HCN2: variants seen among roughly 807,000 people sequenced by gnomAD.
HCN2 encodes potassium/sodium hyperpolarization-activated cyclic nucleotide-gated channel 2.
A neutral mutation model predicts 52.3 loss-of-function variants in HCN2; 20 were observed. That is an observed-to-expected ratio of 0.38 (90% confidence interval 0.27 to 0.56). The LOEUF is 0.56. Among genes scored for constraint, HCN2 ranks in the 20% least tolerant of loss-of-function variants. HCN2 has a pLI of 0.71. For synonymous variants in HCN2, 694 were observed against 537.0 expected, an observed-to-expected ratio of 1.29 and a Z score of -4.04; for missense variants, 981 against 1,207.7, an observed-to-expected ratio of 0.81 and a Z score of 2.78.
chr19:593,061 A>G (rs1982918340), intron 1 of HCN2, among the ~76,000 whole-genome samples: 1 of 152,086 alleles, frequency 6.6e-6, no homozygotes, highest in Middle Eastern at 3.2e-3. Flanking sequence ...TCCTGCTGAG[A>G]GAGTGCTGTG....
At chr19:600,402 G>A (rs747879415) in intron 1 of HCN2, among the ~76,000 whole-genome samples, 6 of 151,838 alleles carry the variant, frequency 4.0e-5, no homozygotes, top group East Asian at 1.9e-4. Context: ...GTGCCATGGC[G>A]TGATCTCAGC....
Position 613,409 on chromosome 19 carries a change from C to T in HCN2, c.1746C>T (p.Tyr582=). 6.2e-7 allele frequency: 1 copy of T among 1,612,442 alleles called. No individual in the cohort carries two copies. The highest frequency in any genetic ancestry group is 8.5e-7 in the Non-Finnish European group (1 of 1,179,772). The change falls in exon 6 of 8, where the codon TAC becomes TAT. Residue 582 remains tyrosine (Y), a synonymous_variant. Coordinates refer to ENST00000251287, the MANE Select transcript of HCN2 (RefSeq NM_001194.4). ...IREGTIGKKM[Y]FIQHGVVSVL... is the part of the protein sequence containing the mutation. ...AAGGCACCATCGGGAAGAAGATGTA[C>T]TTCATCCAGCACGGCGTGGTCAGCG... is the stretch of plus-strand genomic sequence containing the variant.
Position 613,167 on chromosome 19 carries a change from G to A in HCN2, c.1585-81G>A, listed in dbSNP as rs909577015. 4.7e-6 allele frequency: 7 copies of A among 1,498,932 alleles called. No individual in the cohort carries two copies. In the African/African-American group the frequency reaches 8.3e-5, roughly 18 times the overall value. 92.9% of individuals were successfully genotyped at this position (1,498,932 alleles called of 1,614,324 possible). On this transcript the variant is annotated intron_variant, in intron 5 of 7. Transcript: ENST00000251287. ...CAGACGAGGAAACTGGGGTCCGAGA[G>A]GTGAGCCGGTCCCAGAGGCAGGGCG...
At chr19:608,842 A>G (rs1983512130) in intron 4 of HCN2, among the ~76,000 whole-genome samples, 1 of 152,144 alleles carries the variant, frequency 6.6e-6, no homozygotes, top group Non-Finnish European at 1.5e-5. Flanking sequence ...AGGGAGAGCA[A>G]GGCTGCCCCA....
chr19:599,247 G>T (rs1430609529), intron 1 of HCN2, among the ~76,000 whole-genome samples: 2 of 152,244 alleles, frequency 1.3e-5, no homozygotes, highest in Admixed American at 6.5e-5. Context: ...GAGCGTCTGG[G>T]TCACCCCGCA....
chr19:613,757 G>A (rs867841054), intron 6 of HCN2, 95 bp from the exon 7 acceptor site: 1 of 1,303,734 alleles, frequency 7.7e-7, no homozygotes, highest in Non-Finnish European at 9.8e-7. Flanking sequence ...AAGCGCCCAC[G>A]CTGGCCAAGG....
intron 4 of HCN2, among the ~76,000 whole-genome samples, chr19:608,563 C>T (rs12973917): frequency 0.26 from 38,558 of 150,752 alleles, 5,247 homozygotes; most frequent in East Asian, 0.41. Context: ...GGAGGGAGGT[C>T]CAGAGCCTGG....
rs117060362 is a variant in HCN2, at chr19:595,226, C to G, written c.632+4649C>G. ...CAAAAAAATAAAAAAAACCTAAAAACCCACATATTCAAGTCACCTTCATCA... is the reference window on the plus strand; with the variant it reads ...CAAAAAAATAAAAAAAACCTAAAAAGCCACATATTCAAGTCACCTTCATCA... On this transcript the variant is annotated intron_variant, in intron 1 of 7. Coordinates refer to ENST00000251287, the MANE Select transcript of HCN2 (RefSeq NM_001194.4). 2.3e-3 allele frequency among the ~76,000 whole-genome samples: 357 copies of G among 152,040 alleles called. 5 individuals are homozygous for G. The highest frequency in any genetic ancestry group is 0.019 in the Admixed American group (285 of 15,274).
Position 590,575 on chromosome 19 carries a change from C to A in HCN2, c.630C>A (p.Phe210Leu), listed in dbSNP as rs1351184130. Residue 210 changes from phenylalanine (F) to leucine (L), a missense_variant and splice_region_variant, in exon 1 of 8, where the codon TTC (phenylalanine) becomes TTA (leucine). By Grantham distance (22) the Phe-to-Leu change is conservative. Around this residue, in one of 6 missense-constraint regions of HCN2, gnomAD observed 282 missense variants for 553.8 expected, o/e 0.51. Coordinates refer to ENST00000251287, the MANE Select transcript of HCN2 (RefSeq NM_001194.4). The surrounding 1 kb of genome is among the most constrained non-coding windows in gnomAD (Gnocchi z 7.2). ...GGATCATCCACCCGTACAGCGACTT[C>A]AGGTACCGCCTCCGGGAGGGCCGGT... ...GAWIIHPYSD[F>L]RFYWDFTMLL... 3 of 1,424,028 alleles carry A rather than the reference C, an allele frequency of 2.1e-6. No homozygotes were observed. Among genetic ancestry groups the A allele is most frequent in the Non-Finnish European group, 2.8e-6 (3 of 1,072,252 alleles). 88.2% of individuals were successfully genotyped at this position (1,424,028 alleles called of 1,614,324 possible).
chr19:610,346 C>T lies in HCN2; in HGVS notation c.1525C>T (p.Gln509Ter). The stretch of plus-strand genomic sequence containing the variant: ...CCACGACTACTATGAGCACCGTTAC[C>T]AGGGCAAGATGTTTGACGAGGACAG... ...KIHDYYEHRYQGKMFDEDSIL... is the reference protein window; with the variant it reads ...KIHDYYEHRY The change falls in exon 5 of 8, where the codon CAG (glutamine) becomes TAG (stop). Residue 509 changes from glutamine (Q) to a stop codon, truncating the protein, a stop_gained. Transcript: ENST00000251287. LOFTEE classifies it high-confidence loss of function. 6.2e-7 allele frequency: 1 copy of T among 1,613,818 alleles called. No individual in the cohort carries two copies. Among genetic ancestry groups the T allele is most frequent in the Non-Finnish European group, 8.5e-7 (1 of 1,179,802 alleles).
intron 3 of HCN2, among the ~76,000 whole-genome samples, chr19:607,040 C>T (rs916653842): frequency 1.3e-5 from 2 of 151,522 alleles, no homozygotes; most frequent in South Asian, 2.1e-4. Flanking sequence ...GGCGTGGTGG[C>T]GCATGCCTGT....
chr19:595,981 C>A (rs1983018834), intron 1 of HCN2, among the ~76,000 whole-genome samples: 1 of 152,204 alleles, frequency 6.6e-6, no homozygotes. Flanking sequence ...GGGACTCAGG[C>A]TCCAGCAGGG....
chr19:616,953 G>A lies in HCN2; in HGVS notation c.*479G>A, dbSNP rs1463421259. ...CCCCCGTCCGCGCGCGTCCCCCGGTGACCTCGGGGAGCAGCACCCCGCCTC... is the reference window on the plus strand; with the variant it reads ...CCCCCGTCCGCGCGCGTCCCCCGGTAACCTCGGGGAGCAGCACCCCGCCTC... On this transcript the variant is annotated 3_prime_UTR_variant, in exon 8 of 8. Coordinates refer to ENST00000251287, the MANE Select transcript of HCN2 (RefSeq NM_001194.4). The A allele has an allele frequency of 4.7e-6, 2 of 421,800 alleles. No individual in the cohort carries two copies. Among genetic ancestry groups the A allele is most frequent in the Non-Finnish European group, 8.7e-6 (2 of 228,886 alleles). 26.1% of individuals were successfully genotyped at this position (421,800 alleles called of 1,614,324 possible).
At chr19:613,730 G>A (rs1983771020) in intron 6 of HCN2, 122 bp from the exon 7 acceptor site, 1 of 1,136,260 alleles carries the variant, frequency 8.8e-7, no homozygotes, top group Non-Finnish European at 1.1e-6. Context: ...GCCGGCACCA[G>A]GGAGAGCCTG....
chr19:606,990 T>C (rs1383028004), intron 3 of HCN2, among the ~76,000 whole-genome samples: 1 of 151,646 alleles, frequency 6.6e-6, no homozygotes, highest in Non-Finnish European at 1.5e-5. Flanking sequence ...CTGACCAACA[T>C]GGAGAAACCC....
intron 2 of HCN2, 148 bp from the exon 3 acceptor site, chr19:604,913 C>G (rs1248786806): frequency 3.8e-5 from 29 of 755,692 alleles, no homozygotes; most frequent in Non-Finnish European, 4.8e-5. Context: ...CGGGGCAGGG[C>G]TGCAGGGTGG....
intron 1 of HCN2, among the ~76,000 whole-genome samples, chr19:593,137 C>G (rs936301501): frequency 6.6e-6 from 1 of 152,256 alleles, no homozygotes; most frequent in African/African-American, 2.4e-5. Context: ...GCCCAGCTGT[C>G]TCCGCCACGC....
Position 601,318 on chromosome 19 carries a change from A to C in HCN2, c.633-2226A>C, listed in dbSNP as rs140355516. 1.3e-3 allele frequency among the ~76,000 whole-genome samples: 200 copies of C among 152,282 alleles called. 2 individuals are homozygous for C. In the Middle Eastern group the frequency reaches 0.02, roughly 16 times the overall value. On this transcript the variant is annotated intron_variant, in intron 1 of 7. Coordinates refer to ENST00000251287, the MANE Select transcript of HCN2 (RefSeq NM_001194.4). Reference sequence around the variant, plus strand: ...ACAGGGTGAGACTCCGTCTCGGAAAAAAAAAGAAATGGCTTCTCTCACTGA... The same window carrying C: ...ACAGGGTGAGACTCCGTCTCGGAAACAAAAAGAAATGGCTTCTCTCACTGA...
At position 613,720 on chromosome 19, in the gene HCN2, G is replaced by GCACCGGCACCGGCA. The variant is rs1335758122; in HGVS notation, c.1826-131_1826-130insACCGGCACCGGCAC. On this transcript the variant is annotated intron_variant, in intron 6 of 7. Transcript: ENST00000251287. The stretch of plus-strand genomic sequence containing the variant: ...GGATGGGGCCGGGGATGGGGCCGGG[G>GCACCGGCACCGGCA]CCGGCACCAGGGAGAGCCTGGGTGG... 813 of 459,698 alleles carry GCACCGGCACCGGCA rather than the reference G, an allele frequency of 1.8e-3. 110 individuals are homozygous for GCACCGGCACCGGCA. The highest frequency in any genetic ancestry group is 4.1e-3 in the Admixed American group (64 of 15,618). The allele number at this position is 459,698 out of a possible 1,614,324, so 28.5% of individuals were successfully genotyped here.
Sources: allele counts gnomAD v4.1 joint callset (sites outside exome capture counted in the v4.1 genomes callset), GRCh38; gene constraint gnomAD v4.1.1; regional missense constraint gnomAD v4.1.1; non-coding constraint Gnocchi (gnomAD v3.1); transcripts MANE v1.5; gene names NCBI Gene and HGNC (gene_info 2026-07-23, HGNC 2026-07-21).